The following CSMD1 variants were observed in gnomAD, a reference collection of about 807,000 sequenced individuals.
CSMD1 encodes the protein CUB and Sushi multiple domains 1.
CSMD1 carries 213 observed loss-of-function variants against 417.5 expected under a neutral mutation model. The ratio of observed to expected loss-of-function variants is 0.51; its 90% CI spans 0.46 to 0.57. The LOEUF (loss-of-function observed/expected upper bound fraction) is 0.57. CSMD1 is among the 20% of genes least tolerant of loss of function. The pLI, the probability that CSMD1 is intolerant of heterozygous loss-of-function variation, is 0.00. For synonymous variants in CSMD1, 2,862 were observed against 1,736.8 expected (o/e 1.65, Z -16.11); for missense variants, 6,923 against 4,529.7 (o/e 1.53, Z -15.17).
chr8:4,833,660 T>C (rs1194398389), intron 1 of CSMD1, among the ~76,000 whole-genome samples: 1 of 152,180 alleles, frequency 6.6e-6, no homozygotes, highest in Non-Finnish European at 1.5e-5. Context: ...CAACACTACG[T>C]AGAGTGTTGC....
rs78920043 is a variant in CSMD1 at position 4,116,511 on chromosome 8, C to T, written c.416-84412G>A. On this transcript the variant is annotated intron_variant, in intron 3 of 69. Coordinates refer to ENST00000635120, the MANE Select transcript of CSMD1 (RefSeq NM_033225.6). ...AACGTAAGCTGTACACATCCGACGG[C>T]GATGTATGAGTGCAGGTACCTGGAT... Among the ~76,000 whole-genome samples, 438 of 121,608 alleles carry T rather than the reference C, an allele frequency of 3.6e-3. 3 individuals carry two copies. Among genetic ancestry groups the T allele is most frequent in the African/African-American group, 6.3e-3 (187 of 29,876 alleles). 79.8% of individuals were successfully genotyped at this position (121,608 alleles called of 152,430 possible).
Position 3,977,466 on chromosome 8 carries a change from C to A in CSMD1, c.818+20437G>T, listed in dbSNP as rs189992500. Among the ~76,000 whole-genome samples the A allele has an allele frequency of 1.4e-3, 218 of 152,020 alleles. 1 individual carries two copies. The highest frequency in any genetic ancestry group is 4.7e-4 in the Non-Finnish European group (32 of 67,984). On this transcript the variant is annotated intron_variant, in intron 5 of 69. Transcript: ENST00000635120. ...TGAGTTGTTTTGGATGGCATTGGTG[C>A]GACTTAAAGAAAAAAAAAATTAAGG... is the stretch of plus-strand genomic sequence containing the variant.
intron 3 of CSMD1, among the ~76,000 whole-genome samples, chr8:4,151,075 G>A (rs971288258): frequency 2.0e-5 from 3 of 152,120 alleles, no homozygotes; most frequent in South Asian, 2.1e-4. Context: ...GTTTACGGGT[G>A]GTGCCAGGGT....
intron 68 of CSMD1, among the ~76,000 whole-genome samples, chr8:2,947,173 G>A (rs1044482313): frequency 1.3e-5 from 2 of 152,190 alleles, no homozygotes; most frequent in African/African-American, 4.8e-5. Flanking sequence ...TTGTGTGTAT[G>A]TTAGGGTTGA....
At chr8:4,228,105 A>G (rs978323986) in intron 3 of CSMD1, among the ~76,000 whole-genome samples, 12 of 152,066 alleles carry the variant, frequency 7.9e-5, no homozygotes, top group African/African-American at 2.9e-4. Flanking sequence ...TCTATCCTTC[A>G]TTCAACCCCG....
At chr8:4,101,406 G>C (rs964791463) in intron 3 of CSMD1, among the ~76,000 whole-genome samples, 2 of 152,008 alleles carry the variant, frequency 1.3e-5, no homozygotes, top group Non-Finnish European at 2.9e-5. Context: ...AGGTTGGTTG[G>C]GCAGGTGAAT....
At chr8:3,277,519 G>A (rs978722875) in intron 26 of CSMD1, among the ~76,000 whole-genome samples, 4 of 152,072 alleles carry the variant, frequency 2.6e-5, no homozygotes, top group African/African-American at 9.7e-5. Flanking sequence ...GATTCTCTGT[G>A]TGGTGTGAGA....
intron 2 of CSMD1, among the ~76,000 whole-genome samples, chr8:4,437,139 A>G (rs1798194154): frequency 6.6e-6 from 1 of 152,194 alleles, no homozygotes; most frequent in African/African-American, 2.4e-5. Context: ...TTTTAGGGGA[A>G]TTTTAGAAAT....
chr8:4,059,005 C>T (rs2130729864), intron 3 of CSMD1, among the ~76,000 whole-genome samples: 1 of 152,152 alleles, frequency 6.6e-6, no homozygotes, highest in East Asian at 1.9e-4. Flanking sequence ...TTCAGAACCA[C>T]ACCACACCTA....
At chr8:3,728,871 C>T (rs142814266) in intron 6 of CSMD1, among the ~76,000 whole-genome samples, 1 of 152,192 alleles carries the variant, frequency 6.6e-6, no homozygotes, top group African/African-American at 2.4e-5. Context: ...TGGACTAAGG[C>T]AGGGATACTG....
intron 1 of CSMD1, among the ~76,000 whole-genome samples, chr8:4,678,968 G>C (rs922683513): frequency 6.6e-5 from 10 of 152,176 alleles, no homozygotes; most frequent in South Asian, 2.1e-4. Flanking sequence ...GCTATGCTAA[G>C]AGTTGTGTGC....
intron 2 of CSMD1, among the ~76,000 whole-genome samples, chr8:4,532,836 T>G (rs1340419115): frequency 6.9e-6 from 1 of 145,320 alleles, no homozygotes; most frequent in African/African-American, 2.6e-5. Context: ...ATTCAGTCAC[T>G]CCGGAAAAGA....
chr8:2,974,415 T>C, intron 56 of CSMD1, 36 bp downstream of exon 56: 1 of 1,469,372 alleles, frequency 6.8e-7, no homozygotes, highest in Non-Finnish European at 9.1e-7. Context: ...TTATTTGAAA[T>C]CTGTAATTCT....
chr8:3,735,984 T>C lies in CSMD1; in HGVS notation c.931+17946A>G, dbSNP rs563287850. Among the ~76,000 whole-genome samples the C allele has an allele frequency of 3.9e-5, 6 of 151,924 alleles. No individual in the cohort carries two copies. In the East Asian group the frequency reaches 5.8e-4, roughly 15 times the overall value. ...ACAGGTAAATGGGTAAAATACATGGTTTTCAGTGGGAATAAGTGCGGTGGA... is the reference window on the plus strand; with the variant it reads ...ACAGGTAAATGGGTAAAATACATGGCTTTCAGTGGGAATAAGTGCGGTGGA... On this transcript the variant is annotated intron_variant, in intron 6 of 69. Transcript: ENST00000635120.
chr8:4,177,976 C>G (rs1798145746), intron 3 of CSMD1, among the ~76,000 whole-genome samples: 1 of 152,116 alleles, frequency 6.6e-6, no homozygotes. Flanking sequence ...ATCATATGGA[C>G]TCACAGCCAA....
chr8:4,069,732 T>A (rs1799447369), intron 3 of CSMD1, among the ~76,000 whole-genome samples: 1 of 152,132 alleles, frequency 6.6e-6, no homozygotes, highest in Admixed American at 6.5e-5. Context: ...CTAGGCACCT[T>A]GAGTTTAGGA....
chr8:4,394,321 T>C (rs1233864077), intron 3 of CSMD1, among the ~76,000 whole-genome samples: 2 of 152,188 alleles, frequency 1.3e-5, no homozygotes, highest in Non-Finnish European at 1.5e-5. Context: ...TTTCAATAAT[T>C]TAATGGAGAA....
chr8:4,350,614 G>C (rs971058594), intron 3 of CSMD1, among the ~76,000 whole-genome samples: 1 of 152,136 alleles, frequency 6.6e-6, no homozygotes, highest in Admixed American at 6.5e-5. Context: ...GAACAAAACT[G>C]ACCTGGGCAA....
chr8:4,921,758 T>A (rs1391400601), intron 1 of CSMD1, among the ~76,000 whole-genome samples: 1 of 152,176 alleles, frequency 6.6e-6, no homozygotes, highest in Non-Finnish European at 1.5e-5. Flanking sequence ...TCTGAGTAAT[T>A]ATTCTTCTCC....
Sources: gnomAD v4.1 joint callset for allele counts (sites outside exome capture counted in the v4.1 genomes callset) on GRCh38, gnomAD v4.1.1 for gene constraint, MANE v1.5 for transcripts, NCBI Gene and HGNC (gene_info 2026-07-23, HGNC 2026-07-21) for gene names.